C12orf42: variants seen among roughly 807,000 people sequenced by gnomAD.
C12orf42 encodes chromosome 12 open reading frame 42, also known as uncharacterized protein C12orf42.
In C12orf42, 25 loss-of-function variants were observed where a neutral mutation model predicts 21.6. The ratio of observed to expected loss-of-function variants is 1.16; its 90% CI spans 0.84 to 1.62. C12orf42 has a LOEUF of 1.62. Among genes scored for constraint, C12orf42 ranks in the 40% most tolerant of loss-of-function variants. C12orf42 has a pLI of 0.00. For synonymous variants in C12orf42, 174 were observed against 175.0 expected (o/e 0.99, Z 0.05); for missense variants, 483 against 459.3 (o/e 1.05, Z -0.47).
chr12:103,420,342 T>C (rs2049773943), intron 2 of C12orf42, among the ~76,000 whole-genome samples: 2 of 152,214 alleles, frequency 1.3e-5, no homozygotes, highest in South Asian at 4.1e-4. Flanking sequence ...GAAGATTCTT[T>C]GGAAGACTTG....
chr12:103,506,293 C>T, the C12orf42 span: 1 of 125,964 alleles, frequency 7.9e-6, no homozygotes, highest in African/African-American at 2.9e-5. Context: ...ACAACCCCCC[C>T]ACGCCATCCC....
chr12:103,458,828 G>T (rs1952489617), intron 2 of C12orf42, among the ~76,000 whole-genome samples: 1 of 152,032 alleles, frequency 6.6e-6, no homozygotes, highest in Non-Finnish European at 1.5e-5. Flanking sequence ...GTGACCACAG[G>T]ATCTCTCACA....
At chr12:103,315,588 C>G (rs913285056) in intron 4 of C12orf42, among the ~76,000 whole-genome samples, 2 of 151,952 alleles carry the variant, frequency 1.3e-5, no homozygotes, top group African/African-American at 4.8e-5. Context: ...GCAGCATATA[C>G]ATAATTGTAA....
At chr12:103,520,432 T>C in the C12orf42 span, among the ~76,000 whole-genome samples, 1 of 152,172 alleles carries the variant, frequency 6.6e-6, no homozygotes, top group Non-Finnish European at 1.5e-5. Context: ...CTCATGCCTG[T>C]AATCCCAGAA....
At chr12:103,390,855 A>G (rs1214276914) in intron 3 of C12orf42, among the ~76,000 whole-genome samples, 3 of 152,198 alleles carry the variant, frequency 2.0e-5, no homozygotes, top group African/African-American at 7.2e-5. Flanking sequence ...AACAATTTAG[A>G]TGATGCCCAC....
rs1950650931 is a variant in C12orf42 at position 103,435,776 on chromosome 12, T to A, written c.79-34101A>T. Among the ~76,000 whole-genome samples the A allele has an allele frequency of 6.6e-5, 10 of 152,234 alleles. 1 individual carries two copies. In the South Asian group the frequency reaches 1.9e-3, roughly 28 times the overall value. On this transcript the variant is annotated intron_variant, in intron 2 of 5. Transcript: ENST00000548883. ...TGAAAAGACCAAATCTACGTCTGAT[T>A]GGTGTACCCGAAAGTGATGGGGAGA...
chr12:103,497,216 C>T (rs1474159156), upstream of C12orf42, among the ~76,000 whole-genome samples: 1 of 152,134 alleles, frequency 6.6e-6, no homozygotes, highest in Non-Finnish European at 1.5e-5. Flanking sequence ...ATGGCTTTGA[C>T]ATAATAGATG....
At chr12:103,467,094 A>G (rs1953201348) in intron 2 of C12orf42, among the ~76,000 whole-genome samples, 1 of 152,250 alleles carries the variant, frequency 6.6e-6, no homozygotes, top group African/African-American at 2.4e-5. Context: ...ACACCTGAGC[A>G]AAATAAATAT....
intron 4 of C12orf42, chr12:103,368,095 A>G: frequency 7.8e-7 from 1 of 1,279,950 alleles, no homozygotes; most frequent in African/African-American, 1.5e-5. Context: ...CTTTCAGGTC[A>G]GTGAAATGGT....
At chr12:103,194,082 A>T in the C12orf42 span, among the ~76,000 whole-genome samples, 3 of 152,144 alleles carry the variant, frequency 2.0e-5, no homozygotes, top group Non-Finnish European at 4.4e-5. Flanking sequence ...TCATATTATC[A>T]TCTCAATAGA....
chr12:103,358,077 T>C (rs2043745939), intron 4 of C12orf42, among the ~76,000 whole-genome samples: 1 of 152,008 alleles, frequency 6.6e-6, no homozygotes, highest in Non-Finnish European at 1.5e-5. Context: ...GGGTGACGAC[T>C]CCATGTTTCT....
chr12:103,423,947 C>A (rs1949584486), intron 2 of C12orf42, among the ~76,000 whole-genome samples: 1 of 152,130 alleles, frequency 6.6e-6, no homozygotes, highest in Non-Finnish European at 1.5e-5. Flanking sequence ...ATTTATTCAA[C>A]TCTATTACCT....
At chr12:103,146,914 A>G in the C12orf42 span, among the ~76,000 whole-genome samples, 1 of 152,208 alleles carries the variant, frequency 6.6e-6, no homozygotes, top group Non-Finnish European at 1.5e-5. Flanking sequence ...GCATTTTGAC[A>G]AAATAACAGA....
At chr12:103,498,056 G>T (rs1206478097), upstream of C12orf42, among the ~76,000 whole-genome samples, 1 of 151,922 alleles carries the variant, frequency 6.6e-6, no homozygotes, top group African/African-American at 2.4e-5. Context: ...AGAAGAAAGA[G>T]AGAAAACTAT....
chr12:103,372,916 T>C (rs2045387035), intron 3 of C12orf42, among the ~76,000 whole-genome samples: 1 of 152,308 alleles, frequency 6.6e-6, no homozygotes, highest in East Asian at 1.9e-4. Context: ...CAGTATTATA[T>C]TCAAACTGCA....
chr12:103,297,146 G>T (rs1290675044), downstream of C12orf42, among the ~76,000 whole-genome samples: 2 of 152,196 alleles, frequency 1.3e-5, no homozygotes, highest in African/African-American at 2.4e-5. Context: ...TTTTTGTCAG[G>T]TTTGTCAAAG....
At chr12:103,430,076 A>C (rs1386761685) in intron 2 of C12orf42, among the ~76,000 whole-genome samples, 2 of 152,196 alleles carry the variant, frequency 1.3e-5, no homozygotes, top group East Asian at 3.8e-4. Context: ...AGACCTCATG[A>C]CTAAAACACT....
chr12:103,193,887 A>G, the C12orf42 span, among the ~76,000 whole-genome samples: 1 of 152,198 alleles, frequency 6.6e-6, no homozygotes, highest in East Asian at 1.9e-4. Flanking sequence ...ACAAAACTAT[A>G]GGCCATTATC....
At chr12:103,183,274 G>T in the C12orf42 span, among the ~76,000 whole-genome samples, 2 of 152,178 alleles carry the variant, frequency 1.3e-5, no homozygotes, top group African/African-American at 2.4e-5. Flanking sequence ...TAGAGGTGGG[G>T]TTTCACCATG....
Sources: gnomAD v4.1 joint callset for allele counts (sites outside exome capture counted in the v4.1 genomes callset) on GRCh38, gnomAD v4.1.1 for gene constraint, MANE v1.5 for transcripts, NCBI Gene and HGNC (gene_info 2026-07-23, HGNC 2026-07-21) for gene names.